TASP1: variants seen among roughly 807,000 people sequenced by gnomAD.
The protein encoded by TASP1 is taspase 1.
A neutral mutation model predicts 56.6 loss-of-function variants in TASP1; 16 were observed. That is an observed-to-expected ratio of 0.28 (90% CI 0.19 to 0.43). The LOEUF (loss-of-function observed/expected upper bound fraction) is 0.43. TASP1 is among the 20% of genes least tolerant of loss of function. The pLI is 1.00. For missense variants in TASP1, 393 were observed against 511.6 expected, an observed-to-expected ratio of 0.77 and a Z score of 2.24; for synonymous variants, 179 against 184.2, an observed-to-expected ratio of 0.97 and a Z score of 0.23.
the TASP1 span, among the ~76,000 whole-genome samples, chr20:13,238,483 C>T: frequency 1.3e-5 from 2 of 152,064 alleles, no homozygotes; most frequent in South Asian, 2.1e-4. Context: ...ACTCCTGGAT[C>T]GATTATACAT....
At chr20:13,168,896 TA>T in the TASP1 span, 4 of 152,082 alleles carry the variant, frequency 2.6e-5, no homozygotes, top group African/African-American at 7.2e-5. Flanking sequence ...TAAATATTTT[TA>T]GGTAATTATT....
At chr20:13,430,623 A>G (rs927122) in intron 12 of TASP1, among the ~76,000 whole-genome samples, 9,654 of 152,276 alleles carry the variant, frequency 0.063, 451 homozygotes, top group African/African-American at 0.13. Context: ...CTCAGAAATC[A>G]GACACTTTCA....
At chr20:13,223,147 A>C in the TASP1 span, among the ~76,000 whole-genome samples, 1 of 149,022 alleles carries the variant, frequency 6.7e-6, no homozygotes, top group East Asian at 2.0e-4. Context: ...ACAGAGCGAG[A>C]CTCCGTCTCA....
intron 13 of TASP1, among the ~76,000 whole-genome samples, chr20:13,395,229 C>G (rs995836292): frequency 6.6e-6 from 1 of 152,198 alleles, no homozygotes; most frequent in Middle Eastern, 3.2e-3. Context: ...TAATAACATT[C>G]TGACAAATCC....
the TASP1 span, among the ~76,000 whole-genome samples, chr20:13,292,616 C>T: frequency 2.0e-5 from 3 of 152,156 alleles, no homozygotes; most frequent in Non-Finnish European, 4.4e-5. Context: ...GCTGAATATA[C>T]TTCAAGCAAG....
At chr20:13,515,580 T>C (rs1017638349) in intron 10 of TASP1, among the ~76,000 whole-genome samples, 2 of 141,418 alleles carry the variant, frequency 1.4e-5, no homozygotes, top group Non-Finnish European at 3.0e-5. Flanking sequence ...AACTTGAGAA[T>C]ACACCATTCA....
At chr20:13,491,777 T>C (rs1384024252) in intron 10 of TASP1, among the ~76,000 whole-genome samples, 1 of 152,194 alleles carries the variant, frequency 6.6e-6, no homozygotes, top group Non-Finnish European at 1.5e-5. Flanking sequence ...TTATTTTCAA[T>C]CTTTTTTGTC....
the TASP1 span, among the ~76,000 whole-genome samples, chr20:13,377,074 CTT>C: frequency 2.6e-5 from 4 of 152,292 alleles, no homozygotes; most frequent in East Asian, 1.9e-4. Context: ...ATTTCTTTCT[CTT>C]GTCTGATTGC....
chr20:13,467,365 A>C (rs1011695738), intron 11 of TASP1, among the ~76,000 whole-genome samples: 1 of 152,024 alleles, frequency 6.6e-6, no homozygotes, highest in African/African-American at 2.4e-5. Flanking sequence ...ACAAATAGTA[A>C]TTCAAACTAC....
chr20:13,192,007 C>G, the TASP1 span, among the ~76,000 whole-genome samples: 1 of 152,272 alleles, frequency 6.6e-6, no homozygotes, highest in East Asian at 1.9e-4. Flanking sequence ...ATTACCCAGT[C>G]TGTGGTATTC....
the TASP1 span, among the ~76,000 whole-genome samples, chr20:13,254,933 C>G: frequency 6.6e-6 from 1 of 152,196 alleles, no homozygotes; most frequent in Non-Finnish European, 1.5e-5. Context: ...ATTCAGAGAG[C>G]ATTTAGTGAG....
At chr20:13,148,539 G>T in the TASP1 span, among the ~76,000 whole-genome samples, 55 of 152,200 alleles carry the variant, frequency 3.6e-4, 2 homozygotes, top group Admixed American at 3.9e-4. Flanking sequence ...CTCAGGAACT[G>T]CTGGGAAGTA....
chr20:13,479,169 C>A (rs2043045881), intron 11 of TASP1, among the ~76,000 whole-genome samples: 1 of 152,012 alleles, frequency 6.6e-6, no homozygotes, highest in Non-Finnish European at 1.5e-5. Context: ...AGAAATGAGA[C>A]TCAGAATGAA....
intron 4 of TASP1, among the ~76,000 whole-genome samples, chr20:13,613,556 T>C (rs1259162531): frequency 1.3e-5 from 2 of 152,112 alleles, no homozygotes; most frequent in Non-Finnish European, 2.9e-5. Flanking sequence ...TTTTCATCCA[T>C]GTATTGAAAA....
intron 8 of TASP1, among the ~76,000 whole-genome samples, chr20:13,535,684 C>G (rs1211998769): frequency 6.6e-6 from 1 of 152,188 alleles, no homozygotes; most frequent in Non-Finnish European, 1.5e-5. Flanking sequence ...GCAACAGACA[C>G]TCAGGACATA....
chr20:13,290,607 G>A, the TASP1 span, among the ~76,000 whole-genome samples: 10 of 152,186 alleles, frequency 6.6e-5, no homozygotes, highest in East Asian at 5.8e-4. Context: ...CAAGTGAGCC[G>A]AGATCGGGCC....
At chr20:13,494,960 A>T (rs1438970479) in intron 10 of TASP1, among the ~76,000 whole-genome samples, 1 of 152,012 alleles carries the variant, frequency 6.6e-6, no homozygotes, top group Non-Finnish European at 1.5e-5. Flanking sequence ...CAGAAAAAAA[A>T]AACCAAAGCC....
the TASP1 span, among the ~76,000 whole-genome samples, chr20:13,294,752 C>T: frequency 6.6e-6 from 1 of 152,226 alleles, no homozygotes; most frequent in Admixed American, 6.5e-5. Context: ...TCCCAGCTGG[C>T]AGCACCTCGA....
chr20:13,186,786 C>T, the TASP1 span, among the ~76,000 whole-genome samples: 1 of 152,166 alleles, frequency 6.6e-6, no homozygotes, highest in African/African-American at 2.4e-5. Context: ...TAATAAAAAT[C>T]CTCACACTAA....
Sources: allele counts gnomAD v4.1 joint callset (sites outside exome capture counted in the v4.1 genomes callset), GRCh38; gene constraint gnomAD v4.1.1; transcripts MANE v1.5; gene names NCBI Gene and HGNC (gene_info 2026-07-23, HGNC 2026-07-21).